The following OR9Q1 variants were observed in gnomAD, a reference collection of about 807,000 sequenced individuals.
OR9Q1 encodes the protein olfactory receptor family 9 subfamily Q member 1, also known as olfactory receptor 9Q1.
For synonymous variants in OR9Q1, 153 were observed against 148.6 expected (o/e 1.03, Z -0.22); for missense variants, 374 against 378.8 (o/e 0.99, Z 0.11).
chr11:58,081,462 T>C (rs1175642138), intron 2 of OR9Q1, among the ~76,000 whole-genome samples: 5 of 152,252 alleles, frequency 3.3e-5, no homozygotes, highest in East Asian at 1.9e-4. Flanking sequence ...TATTTCTCCA[T>C]GTCCTCTCCA....
intron 2 of OR9Q1, among the ~76,000 whole-genome samples, chr11:58,094,694 A>G (rs746165735): frequency 2.6e-5 from 4 of 152,210 alleles, no homozygotes; most frequent in Non-Finnish European, 5.9e-5. Context: ...TTGCTATTAG[A>G]ACCAATATTT....
intron 2 of OR9Q1, among the ~76,000 whole-genome samples, chr11:58,086,569 A>G (rs750663082): frequency 1.3e-5 from 2 of 151,962 alleles, no homozygotes; most frequent in Admixed American, 1.3e-4. Context: ...TGTTCATTGA[A>G]TCATTCTTCA....
chr11:58,070,313 G>T (rs138447160), intron 2 of OR9Q1, among the ~76,000 whole-genome samples: 2 of 151,868 alleles, frequency 1.3e-5, no homozygotes, highest in African/African-American at 4.8e-5. Flanking sequence ...ACCATGTCTG[G>T]CTCCAGTATC....
At chr11:58,048,679 A>AAAT (rs745596668) in intron 1 of OR9Q1, among the ~76,000 whole-genome samples, 40 of 131,426 alleles carry the variant, frequency 3.0e-4, no homozygotes, top group Non-Finnish European at 4.1e-4. Context: ...TAAAAAAAAA[A>AAAT]ATATATATAT....
chr11:58,133,693 T>C (rs960198887), intron 2 of OR9Q1, among the ~76,000 whole-genome samples: 2 of 152,142 alleles, frequency 1.3e-5, no homozygotes, highest in African/African-American at 4.8e-5. Flanking sequence ...ATTAGTTACA[T>C]TGAGAAAGTG....
intron 1 of OR9Q1, among the ~76,000 whole-genome samples, chr11:58,034,800 T>TCCTTCCTTCCTTCCTA (rs1590546278): frequency 1.9e-5 from 2 of 107,476 alleles, no homozygotes; most frequent in East Asian, 5.7e-4. Context: ...CTCCCTTCCT[T>TCCTTCCTTCCTTCCTA]CCTTCCTTCC....
At chr11:58,081,377 C>T (rs566068399) in intron 2 of OR9Q1, among the ~76,000 whole-genome samples, 1 of 152,080 alleles carries the variant, frequency 6.6e-6, no homozygotes, top group Non-Finnish European at 1.5e-5. Context: ...CTTCTAGATC[C>T]TTGAGGAATC....
intron 2 of OR9Q1, among the ~76,000 whole-genome samples, chr11:58,058,164 G>A (rs1028640024): frequency 6.6e-6 from 1 of 152,176 alleles, no homozygotes; most frequent in African/African-American, 2.4e-5. Flanking sequence ...ATTGGCATAC[G>A]TGCCTCCCAG....
rs373010578 is a variant in OR9Q1, at chr11:58,091,468, T to G, written c.-15+35521T>G. On this transcript the variant is annotated intron_variant, in intron 2 of 2. Transcript: ENST00000335397. ...GTTGTGTGGTTTTGAGTGATTTTCT[T>G]AATCCTGAGTTCTAATTTGGTTGTA... Among the ~76,000 whole-genome samples the G allele has an allele frequency of 5.3e-5, 8 of 152,340 alleles. No homozygotes were observed. In the South Asian group the frequency reaches 8.3e-4, roughly 16 times the overall value.
chr11:58,139,511 T>C lies in OR9Q1; in HGVS notation c.-14-39920T>C, dbSNP rs1854223076. ...ATGTGTTCTCATTGTTCAATTCCCATCTATGAGTGAGAACATGTGGTGTTT... is the reference window on the plus strand; with the variant it reads ...ATGTGTTCTCATTGTTCAATTCCCACCTATGAGTGAGAACATGTGGTGTTT... On this transcript the variant is annotated intron_variant, in intron 2 of 2. Coordinates refer to ENST00000335397, the MANE Select transcript of OR9Q1 (RefSeq NM_001005212.4). 2.6e-5 allele frequency among the ~76,000 whole-genome samples: 4 copies of C among 151,572 alleles called. No individual in the cohort carries two copies. In the South Asian group the frequency reaches 6.3e-4, roughly 24 times the overall value.
At chr11:58,082,507 A>T (rs1188257923) in intron 2 of OR9Q1, among the ~76,000 whole-genome samples, 1 of 148,714 alleles carries the variant, frequency 6.7e-6, no homozygotes, top group Non-Finnish European at 1.5e-5. Flanking sequence ...CAAAAAACCA[A>T]ATACCACATG....
intron 1 of OR9Q1, among the ~76,000 whole-genome samples, chr11:58,024,529 C>T (rs2441952): frequency 0.64 from 97,402 of 152,000 alleles, 31,584 homozygotes; most frequent in South Asian, 0.79. Context: ...AACCAAGTTT[C>T]AATTTTCGTG....
chr11:58,056,592 G>A (rs1190509848), intron 2 of OR9Q1, among the ~76,000 whole-genome samples: 1 of 152,166 alleles, frequency 6.6e-6, no homozygotes, highest in Non-Finnish European at 1.5e-5. Context: ...AGATTGATTT[G>A]TTTGTGGATT....
intron 1 of OR9Q1, among the ~76,000 whole-genome samples, chr11:58,036,900 G>A (rs540484471): frequency 1.3e-5 from 2 of 152,262 alleles, no homozygotes; most frequent in South Asian, 2.1e-4. Flanking sequence ...TACAATAAAA[G>A]GATTTAGAAT....
intron 2 of OR9Q1, among the ~76,000 whole-genome samples, chr11:58,151,260 C>T (rs1854348979): frequency 6.6e-6 from 1 of 152,172 alleles, no homozygotes; most frequent in South Asian, 2.1e-4. Context: ...AGCTCTCATA[C>T]TCATTTTCAG....
intron 2 of OR9Q1, among the ~76,000 whole-genome samples, chr11:58,067,562 G>A (rs933189729): frequency 1.3e-5 from 2 of 152,204 alleles, no homozygotes; most frequent in African/African-American, 2.4e-5. Flanking sequence ...GTTCCAGAAA[G>A]GTCCAGTTGA....
At chr11:58,088,091 T>C (rs1001664121) in intron 2 of OR9Q1, among the ~76,000 whole-genome samples, 1 of 151,876 alleles carries the variant, frequency 6.6e-6, no homozygotes, top group Admixed American at 6.6e-5. Flanking sequence ...TCCACCTGCC[T>C]TGGCCTCCCA....
At chr11:58,098,022 T>C (rs1413536384) in intron 2 of OR9Q1, among the ~76,000 whole-genome samples, 1 of 152,212 alleles carries the variant, frequency 6.6e-6, no homozygotes, top group African/African-American at 2.4e-5. Context: ...TTTATGTTGA[T>C]TACGGTAATT....
intron 1 of OR9Q1, among the ~76,000 whole-genome samples, chr11:58,048,483 T>G (rs1853242084): frequency 8.0e-6 from 1 of 125,058 alleles, no homozygotes; most frequent in Non-Finnish European, 1.6e-5. Context: ...AAACCCCACC[T>G]CTACTAAAAA....
Sources: allele counts gnomAD v4.1 joint callset (sites outside exome capture counted in the v4.1 genomes callset), GRCh38; gene constraint gnomAD v4.1.1; transcripts MANE v1.5; gene names NCBI Gene and HGNC (gene_info 2026-07-23, HGNC 2026-07-21).